The following POU2AF1 variants were observed in gnomAD, a reference collection of about 807,000 sequenced individuals.
The protein encoded by POU2AF1 is POU domain class 2-associating factor 1.
Under a neutral mutation model 26.3 loss-of-function variants are expected in POU2AF1, and 12 were observed. The ratio of observed to expected loss-of-function variants is 0.46; its 90% CI spans 0.29 to 0.74. POU2AF1 has a LOEUF of 0.74. Ranked by LOEUF, POU2AF1 falls within the 30% of genes least tolerant of loss-of-function variation. The pLI, the probability that POU2AF1 is intolerant of heterozygous loss-of-function variation, is 0.09. For synonymous variants in POU2AF1, 175 were observed against 148.0 expected (o/e 1.18, Z -1.32); for missense variants, 297 against 334.5 (o/e 0.89, Z 0.87).
intron 1 of POU2AF1, among the ~76,000 whole-genome samples, chr11:111,369,304 T>C (rs1861164192): frequency 6.6e-6 from 1 of 152,232 alleles, no homozygotes; most frequent in African/African-American, 2.4e-5. Flanking sequence ...TTGCAGCAGA[T>C]GTGAGTTTTT....
intron 1 of POU2AF1, among the ~76,000 whole-genome samples, chr11:111,368,627 G>A (rs1861150579): frequency 6.6e-6 from 1 of 152,156 alleles, no homozygotes; most frequent in Non-Finnish European, 1.5e-5. Context: ...TCTTCAACTG[G>A]GAGAGGAAGA....
intron 1 of POU2AF1, among the ~76,000 whole-genome samples, chr11:111,371,815 A>G (rs1206082841): frequency 6.6e-6 from 1 of 152,152 alleles, no homozygotes. Flanking sequence ...GTGCATGCCT[A>G]TAAAGAAATG....
At chr11:111,379,048 TC>T (rs1734755872) in intron 1 of POU2AF1, 113 bp downstream of exon 1, 3 of 860,374 alleles carry the variant, frequency 3.5e-6, no homozygotes, top group East Asian at 5.0e-5. Context: ...CCAGACCCCC[TC>T]CCCCCGTGGC....
At chr11:111,363,763 A>T in intron 1 of POU2AF1, 2 of 943,552 alleles carry the variant, frequency 2.1e-6, no homozygotes, top group South Asian at 9.8e-5. Flanking sequence ...AGTTCTCCAG[A>T]GATTTTAATA....
rs563970786 is a variant in POU2AF1, at chr11:111,379,231, T to C, written c.-54A>G. The C allele has an allele frequency of 1.5e-5, 24 of 1,611,088 alleles. No homozygotes were observed. Among genetic ancestry groups the C allele is most frequent in the Non-Finnish European group, 2.0e-5 (23 of 1,177,222 alleles). ...TTTGAAGCCGACAGTTTGGCTTCTTTAATGTGAGACCGGGGTGTGTTTTCC... is the reference window on the plus strand; with the variant it reads ...TTTGAAGCCGACAGTTTGGCTTCTTCAATGTGAGACCGGGGTGTGTTTTCC... On this transcript the variant is annotated 5_prime_UTR_variant, in exon 1 of 5. Coordinates refer to ENST00000393067, the MANE Select transcript of POU2AF1 (RefSeq NM_006235.3).
chr11:111,372,377 T>G (rs4529910), intron 1 of POU2AF1, among the ~76,000 whole-genome samples: 98,576 of 151,968 alleles, frequency 0.65, 32,846 homozygotes, highest in Admixed American at 0.76. Context: ...TTAAACAAAA[T>G]GGGTTCTCAT....
In POU2AF1 at chr11:111,357,851, G is replaced by A; in HGVS notation, c.148-14C>T. 2 of 1,601,522 alleles carry A rather than the reference G, an allele frequency of 1.2e-6. No individual in the cohort carries two copies. The highest frequency in any genetic ancestry group is 1.3e-5 in the African/African-American group (1 of 74,190). On this transcript the variant is annotated splice_polypyrimidine_tract_variant and intron_variant, in intron 2 of 4. Coordinates refer to ENST00000393067, the MANE Select transcript of POU2AF1 (RefSeq NM_006235.3). ...GGGCAGCACCACCTAGAGGGGAGAG[G>A]AGAAGACCAGGGTCAATGTTTAGCC...
chr11:111,352,963 GAGGA>G lies in POU2AF1; in HGVS notation c.*1294_*1297del, dbSNP rs1187817196. 52 of 137,994 alleles carry G rather than the reference GAGGA, an allele frequency of 3.8e-4. 1 individual carries two copies. Among genetic ancestry groups the G allele is most frequent in the African/African-American group, 1.1e-3 (32 of 28,892 alleles). 8.5% of individuals were successfully genotyped at this position (137,994 alleles called of 1,614,324 possible). A position where few individuals can be genotyped will look rare whatever the true frequency, so the allele number is the denominator to read the frequency against. On this transcript the variant is annotated 3_prime_UTR_variant, in exon 5 of 5. Transcript: ENST00000393067. ...AAACCAAAAAAAAGAAAGAAAGAGAGAGGAAGGAAGGAAGGAAGGAAGGAAGGAA... is the reference window on the plus strand; with the variant it reads ...AAACCAAAAAAAAGAAAGAAAGAGAGAGGAAGGAAGGAAGGAAGGAAGGAA...
intron 1 of POU2AF1, among the ~76,000 whole-genome samples, chr11:111,378,573 C>T (rs899485363): frequency 6.6e-6 from 1 of 152,276 alleles, no homozygotes; most frequent in East Asian, 1.9e-4. Context: ...GATGGACAAG[C>T]CTTGTCACAG....
At chr11:111,379,085 C>G (rs1452355760) in intron 1 of POU2AF1, 77 bp downstream of exon 1, 20 of 1,598,212 alleles carry the variant, frequency 1.3e-5, no homozygotes, top group African/African-American at 2.7e-5. Context: ...ACCAGCTCCC[C>G]AATTCCAGAC....
intron 1 of POU2AF1, chr11:111,364,119 C>CTCTGCTGACTTTTTGT: frequency 2.2e-6 from 1 of 454,454 alleles, no homozygotes; most frequent in Non-Finnish European, 2.9e-6. Flanking sequence ...TACAAAAAGT[C>CTCTGCTGACTTTTTGT]AGCAGAGACT....
At chr11:111,375,553 C>A (rs1354287019) in intron 1 of POU2AF1, among the ~76,000 whole-genome samples, 1 of 151,928 alleles carries the variant, frequency 6.6e-6, no homozygotes, top group Non-Finnish European at 1.5e-5. Flanking sequence ...CCTGCCACCA[C>A]AACCCCAGCT....
chr11:111,368,786 A>C (rs1861154316), intron 1 of POU2AF1, among the ~76,000 whole-genome samples: 1 of 152,210 alleles, frequency 6.6e-6, no homozygotes. Context: ...CAGTTTCCCC[A>C]TCTGCAAAAT....
At chr11:111,376,544 T>G (rs1172341529) in intron 1 of POU2AF1, among the ~76,000 whole-genome samples, 1 of 152,250 alleles carries the variant, frequency 6.6e-6, no homozygotes, top group African/African-American at 2.4e-5. Flanking sequence ...TGTCACTTTA[T>G]GCTCTAATCT....
chr11:111,374,116 A>ATTTTTTTT lies in POU2AF1; in HGVS notation c.16+5038_16+5045dup, dbSNP rs60260380. On this transcript the variant is annotated intron_variant, in intron 1 of 4. Transcript: ENST00000393067. ...TAATGAACAGCTGTAGGCAAACTTG[A>ATTTTTTTT]TTTTTTTTTTTTTTTTTTTTGGTTC... Among the ~76,000 whole-genome samples the ATTTTTTTT allele has an allele frequency of 1.8e-4, 20 of 109,632 alleles. 3 individuals are homozygous for ATTTTTTTT. Among genetic ancestry groups the ATTTTTTTT allele is most frequent in the Middle Eastern group, 0.01 (2 of 198 alleles). 71.9% of individuals were successfully genotyped at this position (109,632 alleles called of 152,430 possible).
intron 1 of POU2AF1, among the ~76,000 whole-genome samples, chr11:111,359,695 A>G (rs1320454301): frequency 6.6e-6 from 1 of 152,230 alleles, no homozygotes; most frequent in African/African-American, 2.4e-5. Flanking sequence ...AATTCAGTCT[A>G]TTATGTAATA....
chr11:111,377,237 G>A (rs1311081442), intron 1 of POU2AF1, among the ~76,000 whole-genome samples: 2 of 151,670 alleles, frequency 1.3e-5, no homozygotes, highest in South Asian at 2.1e-4. Context: ...AAAAACAGCT[G>A]GGTGTGGTGG....
chr11:111,360,964 G>T (rs1860995772), intron 1 of POU2AF1, among the ~76,000 whole-genome samples: 1 of 150,392 alleles, frequency 6.6e-6, no homozygotes, highest in South Asian at 2.1e-4. Context: ...AAAAAAATCT[G>T]TCCAGTATTT....
intron 1 of POU2AF1, among the ~76,000 whole-genome samples, chr11:111,367,052 C>T (rs941126663): frequency 1.3e-5 from 2 of 152,164 alleles, no homozygotes; most frequent in African/African-American, 2.4e-5. Context: ...GCCCCACAAC[C>T]GCAGGTAGGG....
Sources: gnomAD v4.1 joint callset for allele counts (sites outside exome capture counted in the v4.1 genomes callset) on GRCh38, gnomAD v4.1.1 for gene constraint, MANE v1.5 for transcripts, NCBI Gene and HGNC (gene_info 2026-07-23, HGNC 2026-07-21) for gene names.